The following CISD2 variants were observed in gnomAD, a reference collection of about 807,000 sequenced individuals.
The protein encoded by CISD2 is CDGSH iron sulfur domain 2.
In CISD2, 1 loss-of-function variant was observed where a neutral mutation model predicts 12.9. The observed-to-expected ratio is 0.08, with a 90% CI of 0.03 to 0.37. CISD2 has a LOEUF of 0.37. Among genes scored for constraint, CISD2 ranks in the 10% least tolerant of loss-of-function variants. CISD2 has a pLI of 0.99. For synonymous variants in CISD2, 50 were observed against 60.6 expected (o/e 0.83, Z 0.81); for missense variants, 97 against 163.1 (o/e 0.59, Z 2.21).
Position 102,869,061 on chromosome 4 carries a change from G to A in CISD2, c.-24G>A, listed in dbSNP as rs774974208. 4.4e-6 allele frequency: 7 copies of A among 1,596,720 alleles called. No homozygotes were observed. The Admixed American group carries it at 8.6e-5, about 20-fold the overall frequency. ...TGGCCAGAGCGGAGGGGGCTCGGGA[G>A]AGGAGTGGACGCCGCTGGCCAGGAT... On this transcript the variant is annotated 5_prime_UTR_variant, in exon 1 of 3. Coordinates refer to ENST00000273986, the MANE Select transcript of CISD2 (RefSeq NM_001008388.5).
chr4:102,869,562 C>T (rs1210987176), intron 1 of CISD2: 1 of 700,006 alleles, frequency 1.4e-6, no homozygotes, highest in Non-Finnish European at 2.6e-6. Flanking sequence ...TTATCTAAGG[C>T]CTCATGTAAC....
In CISD2 at chr4:102,869,088, G is replaced by A; in HGVS notation, c.4G>A (p.Val2Met). The A allele has an allele frequency of 6.2e-7, 1 of 1,610,358 alleles. No homozygotes were observed. The highest frequency in any genetic ancestry group is 8.5e-7 in the Non-Finnish European group (1 of 1,178,672). The change falls in exon 1 of 3, where the codon GTG (valine) becomes ATG (methionine). Residue 2 changes from valine to methionine, a missense_variant. Physicochemically the swap from Val to Met is conservative, Grantham distance 21. Coordinates refer to ENST00000273986, the MANE Select transcript of CISD2 (RefSeq NM_001008388.5). ...GGAGTGGACGCCGCTGGCCAGGATGGTGCTGGAGAGCGTGGCCCGTATCGT... is the reference window on the plus strand; with the variant it reads ...GGAGTGGACGCCGCTGGCCAGGATGATGCTGGAGAGCGTGGCCCGTATCGT... Reference protein sequence around the residue: MVLESVARIVKV... With the variant: MMLESVARIVKV...
In CISD2 at chr4:102,892,214, A is replaced by G. The variant is rs1379129838; in HGVS notation, c.*4784A>G. On this transcript the variant is annotated 3_prime_UTR_variant, in exon 3 of 3. Transcript: ENST00000273986. The stretch of plus-strand genomic sequence containing the variant: ...GCTGAGACTACAGTCATGCTTCATC[A>G]TGCCCGGCTAATTTTTTATTTTTCT... 6 of 152,182 alleles carry G rather than the reference A, an allele frequency of 3.9e-5. No homozygotes were observed. Among genetic ancestry groups the G allele is most frequent in the Non-Finnish European group, 8.8e-5 (6 of 68,066 alleles). The allele number at this position is 152,182 out of a possible 1,614,324, so 9.4% of individuals were successfully genotyped here. A position where few individuals can be genotyped will look rare whatever the true frequency, so the allele number is the denominator to read the frequency against.
rs908381236 is a variant in CISD2 at position 102,887,774 on chromosome 4, A to G, written c.*344A>G. On this transcript the variant is annotated 3_prime_UTR_variant, in exon 3 of 3. Transcript: ENST00000273986. Reference sequence around the variant, plus strand: ...AAAATTCCCACCTACATTGTTAAATATGTTATTTTTTCATATCTCTTTTGG... The same window carrying G: ...AAAATTCCCACCTACATTGTTAAATGTGTTATTTTTTCATATCTCTTTTGG... 4.7e-5 allele frequency: 8 copies of G among 169,906 alleles called. No homozygotes were observed. The highest frequency in any genetic ancestry group is 6.3e-5 in the Non-Finnish European group (5 of 79,206). 10.5% of individuals were successfully genotyped at this position (169,906 alleles called of 1,614,324 possible).
rs1476279446 is a variant in CISD2, at chr4:102,889,587, T to C, written c.*2157T>C. ...AAATGAATTATCTCATAAAAGGTAA[T>C]TTTAATACCCCAAAAGTAAGATGGT... On this transcript the variant is annotated 3_prime_UTR_variant, in exon 3 of 3. Coordinates refer to ENST00000273986, the MANE Select transcript of CISD2 (RefSeq NM_001008388.5). 1.3e-5 allele frequency: 2 copies of C among 152,202 alleles called. No individual in the cohort carries two copies. The highest frequency in any genetic ancestry group is 2.9e-5 in the Non-Finnish European group (2 of 68,038). The allele number at this position is 152,202 out of a possible 1,614,324, so 9.4% of individuals were successfully genotyped here. A position where few individuals can be genotyped will look rare whatever the true frequency, so the allele number is the denominator to read the frequency against.
At chr4:102,879,054 G>A (rs1201354900) in intron 1 of CISD2, among the ~76,000 whole-genome samples, 1 of 152,070 alleles carries the variant, frequency 6.6e-6, no homozygotes, top group African/African-American at 2.4e-5. Context: ...GAAGAGCAAA[G>A]CAGGAAGAGC....
chr4:102,887,979 T>C lies in CISD2; in HGVS notation c.*549T>C, dbSNP rs1033170823. 1 of 153,718 alleles carries C rather than the reference T, an allele frequency of 6.5e-6. No homozygotes were observed. Among genetic ancestry groups the C allele is most frequent in the African/African-American group, 2.4e-5 (1 of 41,466 alleles). The allele number at this position is 153,718 out of a possible 1,614,324, so 9.5% of individuals were successfully genotyped here. A position where few individuals can be genotyped will look rare whatever the true frequency, so the allele number is the denominator to read the frequency against. On this transcript the variant is annotated 3_prime_UTR_variant, in exon 3 of 3. Transcript: ENST00000273986. ...TCCCAGCTTTAGAAAAGAAGTAAACTGGATACAAAAAGTTCCATTGAGGAA... is the reference window on the plus strand; with the variant it reads ...TCCCAGCTTTAGAAAAGAAGTAAACCGGATACAAAAAGTTCCATTGAGGAA...
intron 1 of CISD2, 113 bp from the exon 2 acceptor site, chr4:102,885,103 A>G: frequency 2.3e-6 from 2 of 863,144 alleles, no homozygotes; most frequent in South Asian, 2.8e-5. Context: ...GGATCCATTA[A>G]AAAGGAATTA....
rs2110411573 is a variant in CISD2 at position 102,892,796 on chromosome 4, A to T, written c.*5366A>T. On this transcript the variant is annotated 3_prime_UTR_variant, in exon 3 of 3. Coordinates refer to ENST00000273986, the MANE Select transcript of CISD2 (RefSeq NM_001008388.5). The stretch of plus-strand genomic sequence containing the variant: ...GTACTAGTGAGAAAATAAAAATGTC[A>T]AGTTTATTAAATTTTCAGATTTCCT... 6.6e-6 allele frequency: 1 copy of T among 152,316 alleles called. No homozygotes were observed. Among genetic ancestry groups the T allele is most frequent in the South Asian group, 2.1e-4 (1 of 4,824 alleles). The allele number at this position is 152,316 out of a possible 1,614,324, so 9.4% of individuals were successfully genotyped here.
intron 1 of CISD2, among the ~76,000 whole-genome samples, chr4:102,873,681 G>A (rs1378314615): frequency 7.1e-6 from 1 of 140,532 alleles, no homozygotes; most frequent in African/African-American, 2.7e-5. Context: ...AGAATTGCTT[G>A]AGTCGTGGCA....
chr4:102,877,994 C>T (rs1733630227), intron 1 of CISD2, among the ~76,000 whole-genome samples: 1 of 152,210 alleles, frequency 6.6e-6, no homozygotes, highest in Admixed American at 6.5e-5. Flanking sequence ...GATGGAAGGG[C>T]CTGCTGTGAA....
intron 1 of CISD2, among the ~76,000 whole-genome samples, chr4:102,877,113 T>A (rs1429280251): frequency 3.3e-5 from 5 of 152,184 alleles, no homozygotes; most frequent in Admixed American, 3.3e-4. Context: ...AATTTCACAT[T>A]CATTTTGCAT....
At chr4:102,880,011 T>G (rs1312294878) in intron 1 of CISD2, among the ~76,000 whole-genome samples, 1 of 152,008 alleles carries the variant, frequency 6.6e-6, no homozygotes, top group Non-Finnish European at 1.5e-5. Context: ...GGTGAGATCT[T>G]ACCTCACTGC....
At chr4:102,869,426 G>A (rs1490860831) in intron 1 of CISD2, 4 of 708,460 alleles carry the variant, frequency 5.6e-6, no homozygotes, top group Admixed American at 4.0e-5. Context: ...GTGTCATTCC[G>A]TGGCAAGATA....
At chr4:102,870,763 T>A (rs1470645655) in intron 1 of CISD2, among the ~76,000 whole-genome samples, 1 of 152,244 alleles carries the variant, frequency 6.6e-6, no homozygotes, top group Non-Finnish European at 1.5e-5. Flanking sequence ...TTTACTTAAG[T>A]ACTTTACATA....
rs1156906477 is a variant in CISD2 at position 102,891,643 on chromosome 4, G to A, written c.*4213G>A. The A allele has an allele frequency of 6.6e-6, 1 of 152,162 alleles. No individual in the cohort carries two copies. Among genetic ancestry groups the A allele is most frequent in the Non-Finnish European group, 1.5e-5 (1 of 68,022 alleles). The allele number at this position is 152,162 out of a possible 1,614,324, so 9.4% of individuals were successfully genotyped here. On this transcript the variant is annotated 3_prime_UTR_variant, in exon 3 of 3. Coordinates refer to ENST00000273986, the MANE Select transcript of CISD2 (RefSeq NM_001008388.5). ...ATATGTAAAATATATTGACTTACTCGATGATTGGAGGCTTTATCACAGGAA... is the reference window on the plus strand; with the variant it reads ...ATATGTAAAATATATTGACTTACTCAATGATTGGAGGCTTTATCACAGGAA...
chr4:102,884,467 G>A (rs72935545), intron 1 of CISD2, among the ~76,000 whole-genome samples: 2,795 of 152,226 alleles, frequency 0.018, 80 homozygotes, highest in African/African-American at 0.061. Flanking sequence ...GCCCAGCAGA[G>A]GCAGGGTGCT....
intron 1 of CISD2, among the ~76,000 whole-genome samples, chr4:102,881,386 A>G (rs72935532): frequency 2.0e-3 from 306 of 152,336 alleles, no homozygotes; most frequent in African/African-American, 7.1e-3. Context: ...GACTATTGTT[A>G]TCAGTAATTT....
At chr4:102,876,367 A>G (rs1733592091) in intron 1 of CISD2, among the ~76,000 whole-genome samples, 1 of 152,224 alleles carries the variant, frequency 6.6e-6, no homozygotes. Flanking sequence ...GGTTACATAG[A>G]TATAAATAAG....
Sources: gnomAD v4.1 joint callset for allele counts (sites outside exome capture counted in the v4.1 genomes callset) on GRCh38, gnomAD v4.1.1 for gene constraint, MANE v1.5 for transcripts, NCBI Gene and HGNC (gene_info 2026-07-23, HGNC 2026-07-21) for gene names.